LINGO2: variants seen among roughly 807,000 people sequenced by gnomAD.
The protein encoded by LINGO2 is leucine-rich repeat and immunoglobulin-like domain-containing nogo receptor-interacting protein 2.
In LINGO2, 14 loss-of-function variants were observed where a neutral mutation model predicts 30.6. The observed-to-expected ratio is 0.46, with a 90% CI of 0.30 to 0.72. The LOEUF is 0.72. Ranked by LOEUF, LINGO2 falls within the 30% of genes least tolerant of loss-of-function variation. LINGO2 has a pLI of 0.07. For missense variants in LINGO2, 729 were observed against 751.7 expected, an observed-to-expected ratio of 0.97 and a Z score of 0.35; for synonymous variants, 317 against 288.5, an observed-to-expected ratio of 1.10 and a Z score of -1.00.
chr9:28,984,795 G>A, the LINGO2 span, among the ~76,000 whole-genome samples: 2 of 151,906 alleles, frequency 1.3e-5, no homozygotes, highest in African/African-American at 4.8e-5. Context: ...TATCATTCAT[G>A]AATACAATGT....
At chr9:28,433,966 T>TATATATATATATATAC (rs752778212) in intron 2 of LINGO2, among the ~76,000 whole-genome samples, 1,998 of 98,232 alleles carry the variant, frequency 0.02, 166 homozygotes, top group Non-Finnish European at 0.036. Flanking sequence ...TATATATATA[T>TATATATATATATATAC]ACACACACAC....
intron 1 of LINGO2, among the ~76,000 whole-genome samples, chr9:28,652,759 T>C (rs1311064298): frequency 6.6e-6 from 1 of 151,774 alleles, no homozygotes; most frequent in African/African-American, 2.4e-5. Context: ...AAGGCATCCA[T>C]GTATGGTGGA....
chr9:28,214,166 C>A (rs1399550771), intron 4 of LINGO2, among the ~76,000 whole-genome samples: 5 of 151,556 alleles, frequency 3.3e-5, no homozygotes, highest in African/African-American at 1.2e-4. Flanking sequence ...ATGTCAGCAT[C>A]TTTCATAGTA....
the LINGO2 span, among the ~76,000 whole-genome samples, chr9:29,121,513 C>A: frequency 6.6e-6 from 1 of 151,928 alleles, no homozygotes; most frequent in African/African-American, 2.4e-5. Flanking sequence ...TTTCCATTTT[C>A]AAATTTGCCC....
At chr9:28,889,357 G>C in the LINGO2 span, among the ~76,000 whole-genome samples, 2 of 152,024 alleles carry the variant, frequency 1.3e-5, no homozygotes, top group African/African-American at 2.4e-5. Flanking sequence ...AGGGAACTAC[G>C]AGATCAGAAT....
the LINGO2 span, among the ~76,000 whole-genome samples, chr9:29,180,868 G>A: frequency 0.17 from 25,594 of 152,044 alleles, 2,233 homozygotes; most frequent in South Asian, 0.27. Context: ...ATGAAAGAAA[G>A]AATAACCAAA....
chr9:28,122,447 T>C (rs1415227732), intron 4 of LINGO2, among the ~76,000 whole-genome samples: 1 of 152,210 alleles, frequency 6.6e-6, no homozygotes, highest in Non-Finnish European at 1.5e-5. Flanking sequence ...TCTTACAGGA[T>C]ACCTATCAGC....
chr9:28,567,795 A>AAATG (rs1242649022), intron 1 of LINGO2, among the ~76,000 whole-genome samples: 3 of 74,154 alleles, frequency 4.0e-5, no homozygotes, highest in African/African-American at 2.7e-4. Context: ...CCTGAATCTA[A>AAATG]AATAAATAAA....
the LINGO2 span, among the ~76,000 whole-genome samples, chr9:28,771,773 T>C: frequency 6.6e-6 from 1 of 152,090 alleles, no homozygotes; most frequent in African/African-American, 2.4e-5. Context: ...GGAAAGATGC[T>C]TTATTATTAT....
At chr9:28,829,363 C>T in the LINGO2 span, among the ~76,000 whole-genome samples, 3 of 152,146 alleles carry the variant, frequency 2.0e-5, no homozygotes, top group Non-Finnish European at 4.4e-5. Flanking sequence ...CGGACAAGAA[C>T]TTAGGATACA....
the LINGO2 span, among the ~76,000 whole-genome samples, chr9:28,950,139 A>G: frequency 1.3e-5 from 2 of 152,238 alleles, no homozygotes; most frequent in Non-Finnish European, 2.9e-5. Flanking sequence ...ACCAATGACA[A>G]AAAGCACATG....
intron 4 of LINGO2, among the ~76,000 whole-genome samples, chr9:28,244,410 G>C (rs1047690647): frequency 3.3e-5 from 5 of 151,642 alleles, no homozygotes; most frequent in African/African-American, 1.2e-4. Flanking sequence ...AGATGCAAGA[G>C]CAAAGACATC....
intron 1 of LINGO2, among the ~76,000 whole-genome samples, chr9:28,484,145 A>G (rs1277406911): frequency 6.6e-6 from 1 of 152,072 alleles, no homozygotes; most frequent in African/African-American, 2.4e-5. Context: ...AGGTTTGACT[A>G]TCATCCATTG....
chr9:27,999,198 CCAA>C (rs1225647061), intron 5 of LINGO2, among the ~76,000 whole-genome samples: 1 of 151,952 alleles, frequency 6.6e-6, no homozygotes, highest in African/African-American at 2.4e-5. Context: ...CCCAACACTG[CCAA>C]CAACAACAAC....
intron 2 of LINGO2, among the ~76,000 whole-genome samples, chr9:28,393,886 C>T (rs763219790): frequency 2.0e-5 from 3 of 152,154 alleles, no homozygotes; most frequent in Non-Finnish European, 2.9e-5. Flanking sequence ...CCCTTTGCCC[C>T]TTAGAGGGGA....
the LINGO2 span, among the ~76,000 whole-genome samples, chr9:28,753,558 C>T: frequency 1.4e-3 from 209 of 152,084 alleles, 2 homozygotes; most frequent in African/African-American, 4.3e-3. Flanking sequence ...CATAATATAT[C>T]TGAGGATAGA....
rs1477957858 is a variant in LINGO2 at position 28,316,857 on chromosome 9, T to A, written c.-245-21491A>T. On this transcript the variant is annotated intron_variant, in intron 3 of 5. Coordinates refer to ENST00000379992, the Ensembl canonical transcript of LINGO2. ...TAGTAAAAATTAGGATGAGGGATTTTTAAGCACCCTTATCTGCTAGCCATC... is the reference window on the plus strand; with the variant it reads ...TAGTAAAAATTAGGATGAGGGATTTATAAGCACCCTTATCTGCTAGCCATC... Among the ~76,000 whole-genome samples the A allele has an allele frequency of 3.3e-5, 5 of 152,292 alleles. No homozygotes were observed. The East Asian group carries it at 9.7e-4, about 29-fold the overall frequency.
intron 2 of LINGO2, among the ~76,000 whole-genome samples, chr9:28,472,754 C>T (rs1322998807): frequency 6.6e-6 from 1 of 151,864 alleles, no homozygotes; most frequent in African/African-American, 2.4e-5. Context: ...TCATTATTTT[C>T]ATAGTTTATC....
At chr9:28,983,411 T>C in the LINGO2 span, among the ~76,000 whole-genome samples, 2 of 151,202 alleles carry the variant, frequency 1.3e-5, no homozygotes, top group African/African-American at 4.9e-5. Flanking sequence ...AAATAAGTTA[T>C]ATAATGAACT....
Sources: allele counts gnomAD v4.1 joint callset (sites outside exome capture counted in the v4.1 genomes callset), GRCh38; gene constraint gnomAD v4.1.1; transcripts MANE v1.5; gene names NCBI Gene and HGNC (gene_info 2026-07-23, HGNC 2026-07-21).